The following MYO15A variants were observed in gnomAD, a reference collection of about 807,000 sequenced individuals.
The protein encoded by MYO15A is unconventional myosin-XV.
In MYO15A, 308 loss-of-function variants were observed where a neutral mutation model predicts 394.6. That is an observed-to-expected ratio of 0.78 (90% CI 0.71 to 0.86). MYO15A has a LOEUF of 0.86. Among genes scored for constraint, MYO15A ranks in the 40% least tolerant of loss-of-function variants. The pLI is 0.00. For synonymous variants in MYO15A, 1,957 were observed against 2,003.8 expected, an observed-to-expected ratio of 0.98 and a Z score of 0.62; for missense variants, 4,606 against 4,799.1, an observed-to-expected ratio of 0.96 and a Z score of 1.19.
At chr17:18,161,499 C>CT in intron 57 of MYO15A, 52 bp downstream of exon 57, 1 of 1,608,070 alleles carries the variant, frequency 6.2e-7, no homozygotes, top group South Asian at 1.1e-5. Flanking sequence ...CCCTTGGGGA[C>CT]TGGGTGGACA....
At chr17:18,138,375 G>A (rs752322429) in intron 17 of MYO15A, 129 bp downstream of exon 17, 147 of 1,197,560 alleles carry the variant, frequency 1.2e-4, no homozygotes, top group Non-Finnish European at 1.6e-4. Context: ...TGGGACACCC[G>A]ACCTACTATT....
rs534149910 is a variant in MYO15A at position 18,175,080 on chromosome 17, C to CTTT, written c.10491+1174_10491+1176dup. Among the ~76,000 whole-genome samples, 128 of 133,324 alleles carry CTTT rather than the reference C, an allele frequency of 9.6e-4. 2 individuals carry two copies. Among genetic ancestry groups the CTTT allele is most frequent in the Non-Finnish European group, 1.2e-3 (77 of 62,244 alleles). The allele number at this position is 133,324 out of a possible 152,430, so 87.5% of individuals were successfully genotyped here. ...ATGGCTCTGTGGTGTTCTCCTACCT[C>CTTT]TTTTTTTTTTTTTTTTTCAGTAGAG... is the stretch of plus-strand genomic sequence containing the variant. On this transcript the variant is annotated intron_variant, in intron 65 of 65. Transcript: ENST00000647165.
At chr17:18,146,141 G>A (rs2046476744) in intron 30 of MYO15A, 34 bp downstream of exon 30, 2 of 1,602,040 alleles carry the variant, frequency 1.2e-6, no homozygotes, top group Admixed American at 1.7e-5. Flanking sequence ...GGGACACGAG[G>A]GACGGTGGCA....
Position 18,157,036 on chromosome 17 carries a change from A to C in MYO15A, c.8684A>C (p.His2895Pro), listed in dbSNP as rs1597809387. Reference sequence around the variant, plus strand: ...GCTTTCCACAAGGGTGACATCATACACCTGCAGCCCCTAGAGCCACCTCGA... The same window carrying C: ...GCTTTCCACAAGGGTGACATCATACCCCTGCAGCCCCTAGAGCCACCTCGA... ...LLAFHKGDII[H>P]LQPLEPPRVG... The change falls in exon 49 of 66, where the codon CAC (histidine) becomes CCC (proline). Residue 2895 changes from histidine to proline, a missense_variant. Physicochemically the swap from His to Pro is moderately conservative, Grantham distance 77. Transcript: ENST00000647165. The C allele has an allele frequency of 1.9e-6, 3 of 1,614,044 alleles. No homozygotes were observed. The highest frequency in any genetic ancestry group is 2.5e-6 in the Non-Finnish European group (3 of 1,180,012).
chr17:18,123,235 G>A (rs2142266710), intron 2 of MYO15A: 1 of 152,404 alleles, frequency 6.6e-6, no homozygotes, highest in East Asian at 1.9e-4. Flanking sequence ...CAGCCAGCCG[G>A]GCCCAACAAT....
At position 18,159,694 on chromosome 17, in the gene MYO15A, C is replaced by T. The variant is rs1351197418; in HGVS notation, c.9303+15C>T. ...ACCTCCTGAAGGTCAGTCCAGCCAA[C>T]TTTGCCAGATGCCCCCTTTCCTGCT... is the stretch of plus-strand genomic sequence containing the variant. On this transcript the variant is annotated intron_variant, in intron 55 of 65. Transcript: ENST00000647165. 1.2e-6 allele frequency: 2 copies of T among 1,613,900 alleles called. No individual in the cohort carries two copies. Among genetic ancestry groups the T allele is most frequent in the African/African-American group, 2.7e-5 (2 of 74,902 alleles).
In MYO15A at chr17:18,132,778, T is replaced by G. The variant is rs567381136; in HGVS notation, c.4320+212T>G. 3.8e-4 allele frequency among the ~76,000 whole-genome samples: 58 copies of G among 152,322 alleles called. No individual in the cohort carries two copies. Among genetic ancestry groups the G allele is most frequent in the African/African-American group, 1.3e-3 (55 of 41,572 alleles). On this transcript the variant is annotated intron_variant, in intron 11 of 65. Coordinates refer to ENST00000647165, the MANE Select transcript of MYO15A (RefSeq NM_016239.4). This position sits in a 1 kb window ranked among gnomAD's most constrained non-coding sequence, Gnocchi z 4.6. ...GGAAGCAGGAAAGGCCTACCTGACT[T>G]CATTTCTCTGGAACCTGGAACAGAA...
intron 17 of MYO15A, 77 bp from the exon 18 acceptor site, chr17:18,138,734 A>G: frequency 6.4e-7 from 1 of 1,573,868 alleles, no homozygotes; most frequent in Non-Finnish European, 8.6e-7. Flanking sequence ...GCAGTCGGGG[A>G]TAGTGAGGTT....
In MYO15A at chr17:18,118,878, C is replaced by A. The variant is rs772626720; in HGVS notation, c.78C>A (p.Pro26=). Residue 26 remains proline (P), a synonymous_variant, in exon 2 of 66, where the codon CCC becomes CCA. Coordinates refer to ENST00000647165, the MANE Select transcript of MYO15A (RefSeq NM_016239.4). ...KGKKAPEPEK[P]KRSLKGTSRL... ...AGAAGGCACCGGAGCCGGAGAAGCCCAAACGGAGCCTGAAGGGGACGTCGC... is the reference window on the plus strand; with the variant it reads ...AGAAGGCACCGGAGCCGGAGAAGCCAAAACGGAGCCTGAAGGGGACGTCGC... 8.1e-6 allele frequency: 13 copies of A among 1,613,638 alleles called. No homozygotes were observed. Among genetic ancestry groups the A allele is most frequent in the Admixed American group, 1.7e-5 (1 of 59,956 alleles).
rs1219864079 is a variant in MYO15A, at chr17:18,148,173, G to A, written c.6654G>A (p.Glu2218=). The A allele has an allele frequency of 7.4e-6, 12 of 1,613,712 alleles. No individual in the cohort carries two copies. In the Middle Eastern group the frequency reaches 9.9e-4, roughly 133 times the overall value. The change falls in exon 31 of 66, where the codon GAG becomes GAA. Residue 2218 remains glutamate, a synonymous_variant. Transcript: ENST00000647165. The surrounding 1 kb of genome is among the most constrained non-coding windows in gnomAD (Gnocchi z 4.8). ...PTQLEWTATY[E]KASMALDVGC... ...AGCTCGAGTGGACAGCGACCTATGA[G>A]AAGGCCAGCATGGCGCTGGACGTGG...
chr17:18,160,803 T>C (rs1372788997), intron 56 of MYO15A: 1 of 270,168 alleles, frequency 3.7e-6, no homozygotes, highest in Non-Finnish European at 7.3e-6. Context: ...GTTCCACTCA[T>C]GCAGGGCCAG....
chr17:18,110,834 C>T (rs2045711167), intron 1 of MYO15A, among the ~76,000 whole-genome samples: 1 of 152,216 alleles, frequency 6.6e-6, no homozygotes, highest in South Asian at 2.1e-4. Context: ...GTCCTTGAAG[C>T]CCCTCTTACC....
chr17:18,161,304 T>C lies in MYO15A; in HGVS notation c.9387-13T>C, dbSNP rs757630790. On this transcript the variant is annotated splice_polypyrimidine_tract_variant and intron_variant, in intron 56 of 65. Coordinates refer to ENST00000647165, the MANE Select transcript of MYO15A (RefSeq NM_016239.4). ...GTGGCCACCTCTGCTGTAGCCCCCA[T>C]GTGTCCTTGCAGGGACAGCTGCCAG... 6.2e-7 allele frequency: 1 copy of C among 1,613,394 alleles called. No individual in the cohort carries two copies. Among genetic ancestry groups the C allele is most frequent in the South Asian group, 1.1e-5 (1 of 91,052 alleles).
rs758778507 is a variant in MYO15A, at chr17:18,125,204, G to A, written c.3729G>A (p.Lys1243=). The change falls in exon 4 of 66, where the codon AAG becomes AAA. Residue 1243 remains lysine (K), a synonymous_variant. Transcript: ENST00000647165. ...AAACCACTGTGCTGTCCAACCTCAAGATTAGATTTGAACGGAACCTCATCT... is the reference window on the plus strand; with the variant it reads ...AAACCACTGTGCTGTCCAACCTCAAAATTAGATTTGAACGGAACCTCATCT... ...LQETTVLSNL[K]IRFERNLIYT... is the part of the protein sequence containing the mutation. 6.2e-7 allele frequency: 1 copy of A among 1,614,162 alleles called. No homozygotes were observed. The highest frequency in any genetic ancestry group is 1.7e-5 in the Admixed American group (1 of 60,030).
rs1206555067 is a variant in MYO15A, at chr17:18,140,670, G to T, written c.5360+5G>T. The T allele has an allele frequency of 6.2e-7, 1 of 1,613,824 alleles. No individual in the cohort carries two copies. The highest frequency in any genetic ancestry group is 1.3e-5 in the African/African-American group (1 of 74,942). ...TCTGGTGGAAAAGATGGAGAGGTGGGGTGGGGGGCAGGTGGGCGGAGCACC... is the reference window on the plus strand; with the variant it reads ...TCTGGTGGAAAAGATGGAGAGGTGGTGTGGGGGGCAGGTGGGCGGAGCACC... On this transcript the variant is annotated splice_donor_5th_base_variant and intron_variant, in intron 20 of 65. Transcript: ENST00000647165.
chr17:18,122,845 A>C, intron 2 of MYO15A: 1 of 167,568 alleles, frequency 6.0e-6, no homozygotes, highest in Non-Finnish European at 1.3e-5. Context: ...CCTCCTACTG[A>C]CCCTCCCCCA....
Position 18,161,408 on chromosome 17 carries a change from C to G in MYO15A, c.9478C>G (p.Leu3160Val), listed in dbSNP as rs140029076. The G allele has an allele frequency of 2.5e-6, 4 of 1,614,086 alleles. No homozygotes were observed. The highest frequency in any genetic ancestry group is 3.4e-6 in the Non-Finnish European group (4 of 1,180,034). ...EVLHPHLTRF[L>V]QDVSRTPGLP... The stretch of plus-strand genomic sequence containing the variant: ...CCTCCACCCACACCTCACTCGCTTC[C>G]TCCAAGACGTGAGCCGGACCCCAGG... The change falls in exon 57 of 66, where the codon CTC becomes GTC. Residue 3160 changes from leucine (L) to valine (V), a missense_variant. This residue lies in a region of MYO15A where 2,776 missense variants were observed against 3,109.3 expected (regional missense o/e 0.89). Coordinates refer to ENST00000647165, the MANE Select transcript of MYO15A (RefSeq NM_016239.4).
Position 18,120,544 on chromosome 17 carries a change from GAGA to G in MYO15A, c.1750_1752del (p.Lys584del), listed in dbSNP as rs751520397. 2.1e-5 allele frequency: 34 copies of G among 1,596,746 alleles called. No homozygotes were observed. The highest frequency in any genetic ancestry group is 2.6e-5 in the Non-Finnish European group (31 of 1,174,180). The stretch of plus-strand genomic sequence containing the variant: ...GCGGTTCCTCAAGAAGACGCTGTCG[GAGA>G]AGAAGCCCATCGCGCGGCTCAGGGG... On this transcript the variant is annotated inframe_deletion, in exon 2 of 66. Transcript: ENST00000647165.
chr17:18,168,580 A>AT (rs1415266145), intron 62 of MYO15A, among the ~76,000 whole-genome samples: 9 of 64,766 alleles, frequency 1.4e-4, no homozygotes, highest in African/African-American at 3.9e-4. Context: ...AAAAAAAAAA[A>AT]GAAAGAAAAG....
Sources: gnomAD v4.1 joint callset for allele counts (sites outside exome capture counted in the v4.1 genomes callset) on GRCh38, gnomAD v4.1.1 for gene constraint, gnomAD v4.1.1 regional missense constraint, Gnocchi (gnomAD v3.1) non-coding constraint, MANE v1.5 for transcripts, NCBI Gene and HGNC (gene_info 2026-07-23, HGNC 2026-07-21) for gene names.